The following MAML2 variants were observed in gnomAD, a reference collection of about 807,000 sequenced individuals.
MAML2 encodes the protein mastermind-like protein 2.
In MAML2, 22 loss-of-function variants were observed where a neutral mutation model predicts 96.1. That is an observed-to-expected ratio of 0.23 (90% CI 0.16 to 0.33). The LOEUF is 0.33. Ranked by LOEUF, MAML2 falls within the 10% of genes least tolerant of loss-of-function variation. The pLI is 1.00. For synonymous variants in MAML2, 561 were observed against 521.3 expected (o/e 1.08, Z -1.04); for missense variants, 1,367 against 1,392.4 (o/e 0.98, Z 0.29).
At chr11:96,035,795 C>T (rs957391688) in intron 2 of MAML2, among the ~76,000 whole-genome samples, 6 of 152,120 alleles carry the variant, frequency 3.9e-5, no homozygotes, top group Admixed American at 2.6e-4. Context: ...GCAACAGTGC[C>T]TCACACACAG....
intron 1 of MAML2, among the ~76,000 whole-genome samples, chr11:96,303,539 CCA>C (rs1226850639): frequency 4.6e-5 from 7 of 152,068 alleles, no homozygotes; most frequent in African/African-American, 1.7e-4. Flanking sequence ...TCTAAAAATC[CCA>C]GTGTGGCCCA....
At chr11:96,106,323 T>G (rs1198265528) in intron 1 of MAML2, among the ~76,000 whole-genome samples, 1 of 152,356 alleles carries the variant, frequency 6.6e-6, no homozygotes, top group Non-Finnish European at 1.5e-5. Context: ...GGTAATTCTC[T>G]TTGTCAAAGC....
At chr11:96,118,477 G>C (rs1328134112) in intron 1 of MAML2, among the ~76,000 whole-genome samples, 1 of 152,122 alleles carries the variant, frequency 6.6e-6, no homozygotes, top group Non-Finnish European at 1.5e-5. Context: ...TAAGTTTCCT[G>C]GGGCCTCCTA....
intron 1 of MAML2, among the ~76,000 whole-genome samples, chr11:96,171,115 C>CT (rs2135900338): frequency 6.6e-6 from 1 of 151,674 alleles, no homozygotes; most frequent in African/African-American, 2.4e-5. Context: ...CACCTCTTTT[C>CT]TTTTTCATTT....
At chr11:96,295,299 ACAGT>A (rs1318359469) in intron 1 of MAML2, among the ~76,000 whole-genome samples, 42 of 151,900 alleles carry the variant, frequency 2.8e-4, no homozygotes, top group South Asian at 1.7e-3. Flanking sequence ...ATAAAAACAG[ACAGT>A]CAGGATTAAA....
intron 1 of MAML2, among the ~76,000 whole-genome samples, chr11:96,202,537 G>A (rs966380535): frequency 6.6e-6 from 1 of 152,048 alleles, no homozygotes; most frequent in Non-Finnish European, 1.5e-5. Flanking sequence ...GAGAATGAAG[G>A]TTAGTAAAGC....
chr11:96,185,114 T>C (rs776602655), intron 1 of MAML2, among the ~76,000 whole-genome samples: 39 of 151,430 alleles, frequency 2.6e-4, no homozygotes, highest in Non-Finnish European at 4.1e-4. Flanking sequence ...ATCTATGAGA[T>C]GTATGAGTGA....
intron 1 of MAML2, among the ~76,000 whole-genome samples, chr11:96,261,469 C>G (rs950648995): frequency 2.6e-5 from 4 of 152,194 alleles, no homozygotes; most frequent in African/African-American, 9.7e-5. Flanking sequence ...AGAGGAAAGA[C>G]AAGGTGTATT....
chr11:96,206,269 T>G (rs983713652), intron 1 of MAML2, among the ~76,000 whole-genome samples: 5 of 152,158 alleles, frequency 3.3e-5, no homozygotes, highest in Non-Finnish European at 5.9e-5. Flanking sequence ...AGTAAACAAT[T>G]CTGCTGAAAA....
intron 1 of MAML2, among the ~76,000 whole-genome samples, chr11:96,317,491 T>C (rs1029317007): frequency 6.6e-6 from 1 of 152,180 alleles, no homozygotes; most frequent in African/African-American, 2.4e-5. Context: ...AAATACCAGA[T>C]GTCTTCAAGA....
intron 1 of MAML2, among the ~76,000 whole-genome samples, chr11:96,290,743 T>G (rs1406129302): frequency 6.6e-6 from 1 of 152,230 alleles, no homozygotes; most frequent in Non-Finnish European, 1.5e-5. Flanking sequence ...GCCTACTTTC[T>G]TAAAGACTAT....
At chr11:96,171,321 C>T (rs566792267) in intron 1 of MAML2, among the ~76,000 whole-genome samples, 10 of 152,238 alleles carry the variant, frequency 6.6e-5, no homozygotes, top group Admixed American at 1.3e-4. Flanking sequence ...CAAGACCGGG[C>T]GCGTTCTTCT....
chr11:96,113,619 G>GAAAA, intron 1 of MAML2, among the ~76,000 whole-genome samples: 1 of 92,880 alleles, frequency 1.1e-5, no homozygotes, highest in Non-Finnish European at 2.3e-5. Context: ...AAAAAAAAAA[G>GAAAA]AAAAGAAAAA....
At chr11:96,032,268 C>T (rs776188570) in intron 2 of MAML2, among the ~76,000 whole-genome samples, 1 of 152,056 alleles carries the variant, frequency 6.6e-6, no homozygotes, top group Non-Finnish European at 1.5e-5. Flanking sequence ...GAATCCCACT[C>T]CTAGGTATTT....
chr11:96,198,895 C>G (rs1162323287), intron 1 of MAML2, among the ~76,000 whole-genome samples: 1 of 151,932 alleles, frequency 6.6e-6, no homozygotes, highest in African/African-American at 2.4e-5. Context: ...GGGAAGGGTC[C>G]TTAAAGAGAG....
chr11:96,077,217 C>CTTTT (rs2086943328), intron 2 of MAML2, among the ~76,000 whole-genome samples: 1 of 38,516 alleles, frequency 2.6e-5, no homozygotes, highest in African/African-American at 1.2e-4. Context: ...AACTCTCTCT[C>CTTTT]TCTTTTTTTT....
At chr11:96,033,000 C>T (rs180671958) in intron 2 of MAML2, among the ~76,000 whole-genome samples, 2 of 152,300 alleles carry the variant, frequency 1.3e-5, no homozygotes, top group African/African-American at 4.8e-5. Context: ...CACTTACATA[C>T]CCAAAAAGTG....
At chr11:95,995,912 G>C (rs1857983159) in intron 2 of MAML2, among the ~76,000 whole-genome samples, 1 of 152,146 alleles carries the variant, frequency 6.6e-6, no homozygotes, top group South Asian at 2.1e-4. Flanking sequence ...CTCACCCAAA[G>C]TTATGACAAC....
chr11:96,116,449 GCAAA>G (rs1302108148), intron 1 of MAML2, among the ~76,000 whole-genome samples: 2 of 152,150 alleles, frequency 1.3e-5, no homozygotes, highest in African/African-American at 4.8e-5. Context: ...GCAGTGGGAC[GCAAA>G]CAGAGTCAGC....
Sources: allele counts gnomAD v4.1 joint callset (sites outside exome capture counted in the v4.1 genomes callset), GRCh38; gene constraint gnomAD v4.1.1; transcripts MANE v1.5; gene names NCBI Gene and HGNC (gene_info 2026-07-23, HGNC 2026-07-21).